UIMC1: variants seen among roughly 807,000 people sequenced by gnomAD.
UIMC1 encodes the protein ubiquitin interaction motif containing 1, also known as BRCA1-A complex subunit RAP80.
A neutral mutation model predicts 84.9 loss-of-function variants in UIMC1; 42 were observed. The observed-to-expected ratio is 0.49, with a 90% CI of 0.39 to 0.64. The LOEUF (loss-of-function observed/expected upper bound fraction) is 0.64, where lower values mean the gene tolerates loss of function less well. Among genes scored for constraint, UIMC1 ranks in the 30% least tolerant of loss-of-function variants. UIMC1 has a pLI of 0.00. For missense variants in UIMC1, 825 were observed against 847.6 expected (o/e 0.97, Z 0.33); for synonymous variants, 281 against 293.0 (o/e 0.96, Z 0.42).
At chr5:176,991,017 A>AT (rs569504369) in intron 1 of UIMC1, among the ~76,000 whole-genome samples, 78 of 150,564 alleles carry the variant, frequency 5.2e-4, no homozygotes, top group Middle Eastern at 3.4e-3. Flanking sequence ...TTTTATTTTT[A>AT]TTTTTTTTGA....
At chr5:176,916,683 T>C (rs979245047) in intron 10 of UIMC1, among the ~76,000 whole-genome samples, 3 of 152,252 alleles carry the variant, frequency 2.0e-5, no homozygotes, top group Non-Finnish European at 4.4e-5. Flanking sequence ...TTTGTTTATA[T>C]AATTTTCATT....
chr5:176,908,153 T>C (rs1309986762), intron 12 of UIMC1, among the ~76,000 whole-genome samples: 1 of 152,108 alleles, frequency 6.6e-6, no homozygotes, highest in Non-Finnish European at 1.5e-5. Context: ...GTGTGCTTAT[T>C]GCATATATAT....
rs981877282 is a variant in UIMC1 at position 177,014,254 on chromosome 5, A to G, written c.-9+8210T>C. On this transcript the variant is annotated intron_variant, in intron 1 of 5. Coordinates refer to the UIMC1 transcript ENST00000509236. ...TTTTTAGTAGAGACAGGGTTTCACT[A>G]TGTTGGCCTGGCTGGTCTCGAACTC... 3.9e-5 allele frequency among the ~76,000 whole-genome samples: 6 copies of G among 151,926 alleles called. No individual in the cohort carries two copies. The East Asian group carries it at 1.2e-3, about 30-fold the overall frequency.
intron 6 of UIMC1, 77 bp downstream of exon 6, chr5:176,968,478 C>G: frequency 6.6e-7 from 1 of 1,519,016 alleles, no homozygotes; most frequent in Non-Finnish European, 8.8e-7. Context: ...GGGAAGACCA[C>G]AAAAATAACA....
chr5:176,939,249 C>A, intron 10 of UIMC1, among the ~76,000 whole-genome samples: 2 of 142,006 alleles, frequency 1.4e-5, no homozygotes, highest in Non-Finnish European at 3.0e-5. Context: ...AGAGTGAGAT[C>A]CTGTCTCAAA....
chr5:176,958,947 A>G (rs573623612), intron 6 of UIMC1, among the ~76,000 whole-genome samples: 10 of 152,366 alleles, frequency 6.6e-5, no homozygotes, highest in African/African-American at 2.4e-4. Context: ...GGCTTCTTCC[A>G]CTAGACATAA....
At chr5:176,969,895 C>T (rs1180613550) in intron 4 of UIMC1, 189 bp from the exon 5 acceptor site, 1 of 536,078 alleles carries the variant, frequency 1.9e-6, no homozygotes, top group East Asian at 2.9e-5. Context: ...GATCACTATA[C>T]TAAACCCTTT....
chr5:176,905,777 C>A, intron 14 of UIMC1: 2 of 626,582 alleles, frequency 3.2e-6, no homozygotes, highest in Non-Finnish European at 5.5e-6. Flanking sequence ...TAGAGAGGTA[C>A]AGAAGAATAA....
In UIMC1 at chr5:176,969,674, T is replaced by C. The variant is rs1345316035; in HGVS notation, c.390A>G (p.Arg130=). The change falls in exon 5 of 15, where the codon AGA becomes AGG. Residue 130 remains arginine, a synonymous_variant. Transcript: ENST00000511320. ...SCRPSDASAT[R]SRPLATGPSS... The stretch of plus-strand genomic sequence containing the variant: ...ACGGTCCAGTGGCCAGAGGTCGAGA[T>C]CTGGTAGCGGAAGCATCAGAAGGCC... 5 of 1,613,942 alleles carry C rather than the reference T, an allele frequency of 3.1e-6. No homozygotes were observed. Among genetic ancestry groups the C allele is most frequent in the Admixed American group, 3.3e-5 (2 of 59,976 alleles).
chr5:176,951,952 A>T (rs1420921342), intron 8 of UIMC1, among the ~76,000 whole-genome samples: 1 of 152,196 alleles, frequency 6.6e-6, no homozygotes, highest in Non-Finnish European at 1.5e-5. Context: ...TATAATGACC[A>T]GTTTACTTTA....
chr5:176,968,954 G>A lies in UIMC1; in HGVS notation c.801C>T (p.Leu267=), dbSNP rs1439595405. The A allele has an allele frequency of 1.1e-5, 18 of 1,614,050 alleles. No homozygotes were observed. Among genetic ancestry groups the A allele is most frequent in the Non-Finnish European group, 1.5e-5 (18 of 1,180,032 alleles). ...CLPTLADAKG[L]QDTGGTVNYF... The stretch of plus-strand genomic sequence containing the variant: ...AGTTCACAGTGCCCCCAGTGTCCTG[G>A]AGACCTTTGGCATCTGCTAGGGTAG... The change falls in exon 6 of 15, where the codon CTC becomes CTT. Residue 267 remains leucine (L), a synonymous_variant. Transcript: ENST00000511320.
At chr5:177,012,356 C>G (rs979646977) in intron 1 of UIMC1, among the ~76,000 whole-genome samples, 6 of 152,130 alleles carry the variant, frequency 3.9e-5, no homozygotes, top group African/African-American at 1.4e-4. Flanking sequence ...CACCACAAAG[C>G]CCCTCTCCCC....
intron 6 of UIMC1, among the ~76,000 whole-genome samples, chr5:176,958,666 G>C (rs1485022565): frequency 6.6e-6 from 1 of 152,168 alleles, no homozygotes; most frequent in Admixed American, 6.5e-5. Context: ...CCATAACACA[G>C]GACATCTAAA....
Position 176,934,761 on chromosome 5 carries a change from A to G in UIMC1, c.1597+8574T>C, listed in dbSNP as rs146288797. Among the ~76,000 whole-genome samples the G allele has an allele frequency of 4.6e-5, 7 of 152,370 alleles. 2 individuals are homozygous for G. The highest frequency in any genetic ancestry group is 1.7e-4 in the African/African-American group (7 of 41,590). On this transcript the variant is annotated intron_variant, in intron 10 of 14. Coordinates refer to ENST00000511320, the MANE Select transcript of UIMC1 (RefSeq NM_001199298.2). ...ACCGTAAGTGGACACTTCAATCAAGAAAGGCCTATCAGAGTCTTCCTCTAG... is the reference window on the plus strand; with the variant it reads ...ACCGTAAGTGGACACTTCAATCAAGGAAGGCCTATCAGAGTCTTCCTCTAG...
At chr5:176,990,328 C>T (rs1030006760) in intron 1 of UIMC1, among the ~76,000 whole-genome samples, 1 of 152,056 alleles carries the variant, frequency 6.6e-6, no homozygotes, top group African/African-American at 2.4e-5. Context: ...GAAGACACAG[C>T]AAGAAGGTCC....
intron 2 of UIMC1, among the ~76,000 whole-genome samples, chr5:176,979,368 C>T (rs1011841521): frequency 1.3e-5 from 2 of 152,048 alleles, no homozygotes; most frequent in Admixed American, 1.3e-4. Context: ...CCTGTAATCC[C>T]AACACTTTGG....
intron 8 of UIMC1, among the ~76,000 whole-genome samples, chr5:176,955,505 G>T (rs1371177861): frequency 6.6e-6 from 1 of 152,134 alleles, no homozygotes; most frequent in Admixed American, 6.5e-5. Flanking sequence ...GCCAAGGAGG[G>T]AGAACTTAAG....
At chr5:176,946,828 C>T (rs1365976379) in intron 9 of UIMC1, among the ~76,000 whole-genome samples, 2 of 151,986 alleles carry the variant, frequency 1.3e-5, no homozygotes, top group African/African-American at 2.4e-5. Flanking sequence ...GAGGGAGACC[C>T]GGCCTCAAAA....
At position 176,968,607 on chromosome 5, in the gene UIMC1, C is replaced by T; in HGVS notation, c.1148G>A (p.Ser383Asn). The T allele has an allele frequency of 6.2e-7, 1 of 1,613,578 alleles. No individual in the cohort carries two copies. The highest frequency in any genetic ancestry group is 8.5e-7 in the Non-Finnish European group (1 of 1,179,860). Reference protein sequence around the residue: ...TKDFQESSIKSLKEKLLLEEE... With the variant: ...TKDFQESSIKNLKEKLLLEEE... ...CTCCAACAAAAGTTTCTCTTTCAAGCTTTTAATTGAGCTTTCCTGGAAATC... is the reference window on the plus strand; with the variant it reads ...CTCCAACAAAAGTTTCTCTTTCAAGTTTTTAATTGAGCTTTCCTGGAAATC... The change falls in exon 6 of 15, where the codon AGC becomes AAC. Residue 383 changes from serine to asparagine, a missense_variant. By Grantham distance (46) the Ser-to-Asn change is conservative. Coordinates refer to ENST00000511320, the MANE Select transcript of UIMC1 (RefSeq NM_001199298.2).
Sources: allele counts gnomAD v4.1 joint callset (sites outside exome capture counted in the v4.1 genomes callset), GRCh38; gene constraint gnomAD v4.1.1; transcripts MANE v1.5; gene names NCBI Gene and HGNC (gene_info 2026-07-23, HGNC 2026-07-21).